ERN2: variants seen among roughly 807,000 people sequenced by gnomAD.
ERN2 encodes serine/threonine-protein kinase/endoribonuclease IRE2.
In ERN2, 111 loss-of-function variants were observed where a neutral mutation model predicts 107.9. The observed-to-expected ratio is 1.03, with a 90% confidence interval of 0.88 to 1.20. The LOEUF (loss-of-function observed/expected upper bound fraction) is 1.20. Ranked by LOEUF, ERN2 falls within the 50% of genes most tolerant of loss-of-function variation. The pLI is 0.00. For synonymous variants in ERN2, 524 were observed against 501.7 expected (o/e 1.04, Z -0.59); for missense variants, 1,225 against 1,197.9 (o/e 1.02, Z -0.33).
chr16:23,695,076 C>T lies in ERN2; in HGVS notation c.1843G>A (p.Glu615Lys), dbSNP rs1959750241. The change falls in exon 16 of 22, where the codon GAG becomes AAG. Residue 615 changes from glutamate to lysine, a missense_variant. Glu to Lys is a moderately conservative substitution (Grantham distance 56). Transcript: ENST00000256797. ...GACATCAGCTGCTGCAGCACGACCT[C>T]GGGCTCCAGACCCCCGCGATCCAGG... ...PDLDRGGLEP[E>K]VVLQQLMSGL... 1.2e-6 allele frequency: 2 copies of T among 1,613,828 alleles called. No individual in the cohort carries two copies. The highest frequency in any genetic ancestry group is 4.5e-5 in the East Asian group (2 of 44,866).
intron 6 of ERN2, 82 bp from the exon 7 acceptor site, chr16:23,706,513 TG>T (rs1192350290): frequency 2.9e-6 from 3 of 1,038,010 alleles, no homozygotes; most frequent in Admixed American, 4.1e-5. Context: ...CTTGCAGGAG[TG>T]GGGGTTTCCT....
chr16:23,694,611 A>G, intron 17 of ERN2, 117 bp downstream of exon 17: 1 of 822,626 alleles, frequency 1.2e-6, no homozygotes. Context: ...TTGGAGGAGC[A>G]GCTCAAAGTC....
chr16:23,700,622 G>T lies in ERN2; in HGVS notation c.1442C>A (p.Ser481Tyr). ...DFAHISQDAQ[S>Y]LHSGASRRSQ... ...CCTCCGGCTGGCCCCCGAGTGCAGG[G>T]ACTGGGCATCCTGGGAGATGTGAGC... The change falls in exon 13 of 22, where the codon TCC becomes TAC. Residue 481 changes from serine (S) to tyrosine (Y), a missense_variant. By Grantham distance (144) the Ser-to-Tyr change is moderately radical. Coordinates refer to ENST00000256797, the MANE Select transcript of ERN2 (RefSeq NM_033266.4). 6.2e-7 allele frequency: 1 copy of T among 1,614,142 alleles called. No homozygotes were observed. Among genetic ancestry groups the T allele is most frequent in the Non-Finnish European group, 8.5e-7 (1 of 1,180,012 alleles).
rs1196437152 is a variant in ERN2 at position 23,700,778 on chromosome 16, G to A, written c.1360-74C>T. 3 of 1,524,876 alleles carry A rather than the reference G, an allele frequency of 2.0e-6. No individual in the cohort carries two copies. The African/African-American group carries it at 4.1e-5, about 21-fold the overall frequency. The allele number at this position is 1,524,876 out of a possible 1,614,324, so 94.5% of individuals were successfully genotyped here. On this transcript the variant is annotated intron_variant, in intron 12 of 21. Coordinates refer to ENST00000256797, the MANE Select transcript of ERN2 (RefSeq NM_033266.4). ...CGTGATGGGCCCAGTATCTGTGACTGAGATGGCCTCACCAGACTGCATGAA... is the reference window on the plus strand; with the variant it reads ...CGTGATGGGCCCAGTATCTGTGACTAAGATGGCCTCACCAGACTGCATGAA...
At position 23,706,361 on chromosome 16, in the gene ERN2, T is replaced by A. The variant is rs1257578470; in HGVS notation, c.558A>T (p.Ser186=). The stretch of plus-strand genomic sequence containing the variant: ...CAGGTGAGCCATCCATGGGGGGCGC[T>A]GAGTAGCGGCGGTAGGTGGTGTTCC... The part of the protein sequence containing the change: ...LRWNTTYRRY[S]APPMDGSPGK... The change falls in exon 7 of 22, where the codon TCA becomes TCT. Residue 186 remains serine (S), a synonymous_variant. Transcript: ENST00000256797. 4 of 1,561,036 alleles carry A rather than the reference T, an allele frequency of 2.6e-6. No homozygotes were observed. In the East Asian group the frequency reaches 9.4e-5, roughly 37 times the overall value.
At chr16:23,708,283 T>C (rs1272310767) in intron 4 of ERN2, among the ~76,000 whole-genome samples, 1 of 151,888 alleles carries the variant, frequency 6.6e-6, no homozygotes, top group Non-Finnish European at 1.5e-5. Context: ...TCCCCAATGT[T>C]AGAGGTAGGG....
intron 14 of ERN2, 135 bp downstream of exon 14, chr16:23,695,759 A>G (rs1382125795): frequency 6.6e-6 from 4 of 604,734 alleles, no homozygotes; most frequent in Non-Finnish European, 8.9e-6. Context: ...AGATAAAGGA[A>G]AGAGCAGGAC....
At chr16:23,698,742 C>G (rs1165408902) in intron 13 of ERN2, among the ~76,000 whole-genome samples, 1 of 152,076 alleles carries the variant, frequency 6.6e-6, no homozygotes, top group Non-Finnish European at 1.5e-5. Flanking sequence ...CACCCACCAC[C>G]ACACCAGACT....
chr16:23,693,589 C>CAAAAA (rs765586188), intron 17 of ERN2, among the ~76,000 whole-genome samples: 1 of 134,946 alleles, frequency 7.4e-6, no homozygotes, highest in African/African-American at 2.8e-5. Context: ...AACTCCATCT[C>CAAAAA]AAAAAAAAAA....
Position 23,694,943 on chromosome 16 carries a change from A to G in ERN2, c.1901-16T>C. 6.2e-7 allele frequency: 1 copy of G among 1,614,078 alleles called. No individual in the cohort carries two copies. The highest frequency in any genetic ancestry group is 8.5e-7 in the Non-Finnish European group (1 of 1,179,938). ...TCCCGGTGCACTGTGGGAGAGGGGC[A>G]GAAAGAAAGCTGGTTGCTGAGGGCG... On this transcript the variant is annotated splice_polypyrimidine_tract_variant and intron_variant, in intron 16 of 21. Transcript: ENST00000256797.
rs1040552211 is a variant in ERN2, at chr16:23,694,931, TG to T, written c.1901-5del. ...CCTGGCTTCAGGTCCCGGTGCACTG[TG>T]GGAGAGGGGCAGAAAGAAAGCTGGT... On this transcript the variant is annotated splice_polypyrimidine_tract_variant and splice_region_variant and intron_variant, in intron 16 of 21. Coordinates refer to ENST00000256797, the MANE Select transcript of ERN2 (RefSeq NM_033266.4). 6.2e-7 allele frequency: 1 copy of T among 1,613,704 alleles called. No homozygotes were observed. The highest frequency in any genetic ancestry group is 1.3e-5 in the African/African-American group (1 of 74,802).
At chr16:23,706,189 G>T (rs963859807) in intron 7 of ERN2, 141 bp downstream of exon 7, 1 of 600,074 alleles carries the variant, frequency 1.7e-6, no homozygotes. Context: ...CAGCCATCAG[G>T]GGTGTGCCAT....
chr16:23,698,324 C>T (rs1392659867), intron 13 of ERN2, among the ~76,000 whole-genome samples: 1 of 152,172 alleles, frequency 6.6e-6, no homozygotes, highest in Non-Finnish European at 1.5e-5. Flanking sequence ...CCTTAGTTTC[C>T]TCTTCCATAA....
chr16:23,697,678 C>T (rs925459821), intron 13 of ERN2, among the ~76,000 whole-genome samples: 2 of 152,174 alleles, frequency 1.3e-5, no homozygotes, highest in African/African-American at 4.8e-5. Context: ...TCAGTCTGCA[C>T]ACACAGATAT....
intron 17 of ERN2, among the ~76,000 whole-genome samples, chr16:23,692,734 G>GT (rs35790259): frequency 0.26 from 38,728 of 148,422 alleles, 6,007 homozygotes; most frequent in Non-Finnish European, 0.35. Context: ...AGCTGATTTT[G>GT]TTTTTTTTTT....
intron 8 of ERN2, 120 bp downstream of exon 8, chr16:23,704,763 T>A: frequency 8.8e-7 from 1 of 1,138,544 alleles, no homozygotes; most frequent in Non-Finnish European, 1.3e-6. Context: ...ATTTGAAATG[T>A]TTTGACCCCT....
In ERN2 at chr16:23,700,697, G is replaced by A. The variant is rs957652368; in HGVS notation, c.1367C>T (p.Pro456Leu). The A allele has an allele frequency of 1.4e-5, 23 of 1,612,062 alleles. No homozygotes were observed. Among genetic ancestry groups the A allele is most frequent in the Admixed American group, 3.3e-5 (2 of 59,808 alleles). The change falls in exon 13 of 22, where the codon CCG (proline) becomes CTG (leucine). Residue 456 changes from proline to leucine, a missense_variant. Coordinates refer to ENST00000256797, the MANE Select transcript of ERN2 (RefSeq NM_033266.4). Reference sequence around the variant, plus strand: ...CTCCTGCTGCTTCTCCACCACCTGCGGCTGTTGCTGTAACATGAGAGCCTA... The same window carrying A: ...CTCCTGCTGCTTCTCCACCACCTGCAGCTGTTGCTGTAACATGAGAGCCTA... Reference protein sequence around the residue: ...WILFVMRQQQPQVVEKQQETP... With the variant: ...WILFVMRQQQLQVVEKQQETP...
At chr16:23,698,564 TG>T (rs1395530839) in intron 13 of ERN2, among the ~76,000 whole-genome samples, 1 of 152,150 alleles carries the variant, frequency 6.6e-6, no homozygotes, top group Non-Finnish European at 1.5e-5. Context: ...TGTAAGTTTT[TG>T]TTTTTGTTTT....
At chr16:23,692,445 C>T in intron 17 of ERN2, 114 bp from the exon 18 acceptor site, 2 of 1,064,226 alleles carry the variant, frequency 1.9e-6, no homozygotes, top group Non-Finnish European at 2.7e-6. Flanking sequence ...GACTGGAACT[C>T]AAGATGCTTC....
Sources: allele counts gnomAD v4.1 joint callset (sites outside exome capture counted in the v4.1 genomes callset), GRCh38; gene constraint gnomAD v4.1.1; transcripts MANE v1.5; gene names NCBI Gene and HGNC (gene_info 2026-07-23, HGNC 2026-07-21).